Variants in UBASH3A observed in about 807,000 individuals in gnomAD.
UBASH3A encodes ubiquitin-associated and SH3 domain-containing protein A.
In UBASH3A, 63 loss-of-function variants were observed where a neutral mutation model predicts 73.5. That is an observed-to-expected ratio of 0.86 (90% CI 0.70 to 1.06). UBASH3A has a LOEUF of 1.06. UBASH3A is among the 50% of genes least tolerant of loss of function. UBASH3A has a pLI of 0.00. For missense variants in UBASH3A, 860 were observed against 859.0 expected, an observed-to-expected ratio of 1.00 and a Z score of -0.02; for synonymous variants, 363 against 351.1, an observed-to-expected ratio of 1.03 and a Z score of -0.38.
rs1172245373 is a variant in UBASH3A, at chr21:42,409,554, A to T, written c.300A>T (p.Ala100=). Residue 100 remains alanine, a synonymous_variant, in exon 3 of 15, where the codon GCA becomes GCT. Coordinates refer to ENST00000319294, the MANE Select transcript of UBASH3A (RefSeq NM_018961.4). The part of the protein sequence containing the change: ...EFWRESKRQC[A]KNRAHEVFPH... ...GGAGAGAGAGCAAGCGCCAGTGTGCAAAGAACAGAGCTCATGAGGTCTTCC... is the reference window on the plus strand; with the variant it reads ...GGAGAGAGAGCAAGCGCCAGTGTGCTAAGAACAGAGCTCATGAGGTCTTCC... 6.2e-7 allele frequency: 1 copy of T among 1,614,050 alleles called. No homozygotes were observed. The highest frequency in any genetic ancestry group is 1.3e-5 in the African/African-American group (1 of 74,922).
chr21:42,424,051 A>G (rs1317398545), intron 7 of UBASH3A, among the ~76,000 whole-genome samples: 2 of 152,082 alleles, frequency 1.3e-5, no homozygotes, highest in South Asian at 2.1e-4. Context: ...TCCACACATC[A>G]CTGACATATT....
At chr21:42,440,316 CT>C (rs752951256) in intron 11 of UBASH3A, among the ~76,000 whole-genome samples, 8 of 152,188 alleles carry the variant, frequency 5.3e-5, no homozygotes, top group South Asian at 2.1e-4. Flanking sequence ...TCTGGGGACC[CT>C]TCAGTGTGAG....
At chr21:42,412,234 G>A (rs562915368) in intron 3 of UBASH3A, among the ~76,000 whole-genome samples, 3 of 152,278 alleles carry the variant, frequency 2.0e-5, no homozygotes, top group East Asian at 1.9e-4. Context: ...TGGGAGCCCC[G>A]TGGGCAAGGC....
Position 42,432,160 on chromosome 21 carries a change from A to G in UBASH3A, c.1228A>G (p.Ile410Val). The change falls in exon 9 of 15, where the codon ATC (isoleucine) becomes GTC (valine). Residue 410 changes from isoleucine (I) to valine (V), a missense_variant. By Grantham distance (29) the Ile-to-Val change is conservative. Coordinates refer to ENST00000319294, the MANE Select transcript of UBASH3A (RefSeq NM_018961.4). Reference protein sequence around the residue: ...VVRHGERVDQIFGKAWLQQCS... With the variant: ...VVRHGERVDQVFGKAWLQQCS... Reference sequence around the variant, plus strand: ...TCGCCACGGGGAGAGAGTGGATCAGATCTTCGGGAAGGCATGGCTGCAGCA... The same window carrying G: ...TCGCCACGGGGAGAGAGTGGATCAGGTCTTCGGGAAGGCATGGCTGCAGCA... 6.2e-7 allele frequency: 1 copy of G among 1,613,730 alleles called. No homozygotes were observed.
At chr21:42,412,895 A>G (rs2053128463) in intron 3 of UBASH3A, 129 bp from the exon 4 acceptor site, 1 of 833,062 alleles carries the variant, frequency 1.2e-6, no homozygotes, top group Non-Finnish European at 2.0e-6. Context: ...GGGACGCAAT[A>G]AATTATGTTA....
chr21:42,442,417 G>C (rs1370368752), intron 11 of UBASH3A, 35 bp from the exon 12 acceptor site: 2 of 1,606,968 alleles, frequency 1.2e-6, no homozygotes, highest in Middle Eastern at 1.7e-4. Context: ...GGTGGATGTT[G>C]AGGATGATAA....
At chr21:42,407,327 C>T (rs1156788852) in intron 2 of UBASH3A, among the ~76,000 whole-genome samples, 1 of 152,186 alleles carries the variant, frequency 6.6e-6, no homozygotes, top group Non-Finnish European at 1.5e-5. Context: ...GGTCTCTGAA[C>T]GTGCAGTGTT....
At chr21:42,446,444 A>G (rs2053844913) in intron 14 of UBASH3A, among the ~76,000 whole-genome samples, 1 of 151,710 alleles carries the variant, frequency 6.6e-6, no homozygotes, top group South Asian at 2.1e-4. Context: ...CCTCACTCAG[A>G]CCCCCCTGCC....
intron 3 of UBASH3A, 42 bp downstream of exon 3, chr21:42,409,650 A>G (rs1601556821): frequency 6.4e-7 from 1 of 1,565,962 alleles, no homozygotes; most frequent in Non-Finnish European, 8.7e-7. Flanking sequence ...CGGCAGCTGG[A>G]GGCATTTTTC....
intron 7 of UBASH3A, among the ~76,000 whole-genome samples, chr21:42,425,074 C>T (rs767197128): frequency 2.0e-5 from 3 of 152,162 alleles, no homozygotes; most frequent in Non-Finnish European, 2.9e-5. Context: ...TTTGTTATGG[C>T]CGCCCCAGGA....
At chr21:42,433,945 T>A (rs994138403) in intron 9 of UBASH3A, among the ~76,000 whole-genome samples, 1 of 152,096 alleles carries the variant, frequency 6.6e-6, no homozygotes, top group African/African-American at 2.4e-5. Context: ...GGAAGGTCAG[T>A]GTGGCTGCTG....
intron 1 of UBASH3A, among the ~76,000 whole-genome samples, chr21:42,405,989 G>GGC (rs1555858960): frequency 8.0e-5 from 12 of 149,552 alleles, no homozygotes; most frequent in African/African-American, 2.5e-4. Context: ...GCAGTGGGGG[G>GGC]GGGGGGGGCA....
chr21:42,424,379 A>G lies in UBASH3A; in HGVS notation c.1047-2318A>G, dbSNP rs112975802. Among the ~76,000 whole-genome samples, 24 of 152,356 alleles carry G rather than the reference A, an allele frequency of 1.6e-4. 1 individual carries two copies. Among genetic ancestry groups the G allele is most frequent in the African/African-American group, 5.8e-4 (24 of 41,582 alleles). ...TGACCCCAGCCTCAGCCTCCGTGCC[A>G]GACGGTGCAGGGATTCTTTGGACTT... On this transcript the variant is annotated intron_variant, in intron 7 of 14. Coordinates refer to ENST00000319294, the MANE Select transcript of UBASH3A (RefSeq NM_018961.4).
intron 1 of UBASH3A, among the ~76,000 whole-genome samples, chr21:42,404,722 C>T (rs535825359): frequency 2.0e-5 from 3 of 152,222 alleles, no homozygotes; most frequent in East Asian, 1.9e-4. Flanking sequence ...TGTGCTTCCA[C>T]GCTGCCCGGG....
chr21:42,406,351 G>A lies in UBASH3A; in HGVS notation c.157G>A (p.Ala53Thr). ...CACGGGGAGGAAGACGGCGGAGGAGGCCTTGGCCTGGTGAGTGCAGCTGCT... is the reference window on the plus strand; with the variant it reads ...CACGGGGAGGAAGACGGCGGAGGAGACCTTGGCCTGGTGAGTGCAGCTGCT... ...AATGRKTAEE[A>T]LAWLHDHCND... Residue 53 changes from alanine to threonine, a missense_variant, in exon 2 of 15, where the codon GCC becomes ACC. Physicochemically the swap from Ala to Thr is moderately conservative, Grantham distance 58 (BLOSUM62 0). Coordinates refer to ENST00000319294, the MANE Select transcript of UBASH3A (RefSeq NM_018961.4). 3 of 1,613,962 alleles carry A rather than the reference G, an allele frequency of 1.9e-6. No individual in the cohort carries two copies. The highest frequency in any genetic ancestry group is 1.1e-5 in the South Asian group (1 of 91,080).
intron 1 of UBASH3A, among the ~76,000 whole-genome samples, chr21:42,405,304 G>T (rs1224777142): frequency 1.3e-5 from 2 of 152,194 alleles, no homozygotes; most frequent in African/African-American, 4.8e-5. Context: ...TCACCACCCA[G>T]TGCAGGCAGG....
At chr21:42,411,837 A>G (rs532516242) in intron 3 of UBASH3A, among the ~76,000 whole-genome samples, 1 of 152,356 alleles carries the variant, frequency 6.6e-6, no homozygotes, top group East Asian at 1.9e-4. Context: ...CAAGAAACAC[A>G]ATGTGAGACG....
chr21:42,434,392 C>T (rs2053590219), intron 9 of UBASH3A, among the ~76,000 whole-genome samples: 1 of 152,192 alleles, frequency 6.6e-6, no homozygotes, highest in Non-Finnish European at 1.5e-5. Context: ...GAATGCACAA[C>T]ACAGGCATCT....
intron 1 of UBASH3A, among the ~76,000 whole-genome samples, chr21:42,405,205 C>A (rs2052942827): frequency 6.6e-6 from 1 of 152,114 alleles, no homozygotes; most frequent in African/African-American, 2.4e-5. Context: ...AAGCCAGGGG[C>A]CTTTGAATGG....
Sources: gnomAD v4.1 joint callset for allele counts (sites outside exome capture counted in the v4.1 genomes callset) on GRCh38, gnomAD v4.1.1 for gene constraint, MANE v1.5 for transcripts, NCBI Gene and HGNC (gene_info 2026-07-23, HGNC 2026-07-21) for gene names.